Variants in DLGAP2 observed in about 807,000 individuals in gnomAD.
The protein encoded by DLGAP2 is DLG associated protein 2.
In DLGAP2, 26 loss-of-function variants were observed where a neutral mutation model predicts 100.3. That is an observed-to-expected ratio of 0.26 (90% CI 0.19 to 0.36). The LOEUF is 0.36. Ranked by LOEUF, DLGAP2 falls within the 10% of genes least tolerant of loss-of-function variation. DLGAP2 has a pLI of 1.00. For missense variants in DLGAP2, 1,858 were observed against 1,453.2 expected (o/e 1.28, Z -4.53); for synonymous variants, 886 against 630.1 (o/e 1.41, Z -6.08).
At chr8:1,078,288 C>T (rs1206769835) in intron 2 of DLGAP2, among the ~76,000 whole-genome samples, 1 of 152,186 alleles carries the variant, frequency 6.6e-6, no homozygotes, top group African/African-American at 2.4e-5. Context: ...TTCACAGAAG[C>T]ATTGAGCTGA....
intron 2 of DLGAP2, among the ~76,000 whole-genome samples, chr8:1,253,284 T>C (rs752699845): frequency 1.4e-4 from 22 of 152,112 alleles, no homozygotes; most frequent in Admixed American, 5.2e-4. Context: ...TGTGTGCCCT[T>C]TCTTCCCGGG....
intron 3 of DLGAP2, among the ~76,000 whole-genome samples, chr8:1,269,524 C>A (rs1272441954): frequency 6.6e-6 from 1 of 152,166 alleles, no homozygotes; most frequent in Non-Finnish European, 1.5e-5. Flanking sequence ...AGTAAGACCC[C>A]CTCAACCCTG....
intron 1 of DLGAP2, among the ~76,000 whole-genome samples, chr8:759,080 CACAGCCTTCCTGTTATCAATACCCCCG>C (rs1820996987): frequency 1.2e-3 from 20 of 16,128 alleles, no homozygotes; most frequent in African/African-American, 2.5e-3. Flanking sequence ...CAATACCCCC[CACAGCCTTCCTGTTATCAATACCCCCG>C]ACAGCCTTCC....
intron 4 of DLGAP2, among the ~76,000 whole-genome samples, chr8:1,547,520 A>G (rs1801582484): frequency 6.6e-6 from 1 of 151,676 alleles, no homozygotes; most frequent in Admixed American, 6.6e-5. Context: ...TGTGGGGTTG[A>G]GGGGGGCCTG....
chr8:751,237 G>A (rs556015026), intron 1 of DLGAP2, among the ~76,000 whole-genome samples: 3 of 50,362 alleles, frequency 6.0e-5, no homozygotes, highest in East Asian at 1.8e-3. Context: ...ACCCTCTCAC[G>A]GGAAGGAGCA....
At chr8:1,353,622 A>C (rs1345743907) in intron 3 of DLGAP2, among the ~76,000 whole-genome samples, 1 of 152,210 alleles carries the variant, frequency 6.6e-6, no homozygotes, top group East Asian at 1.9e-4. Context: ...CCCCATTATA[A>C]GGTGAGGGGT....
At chr8:1,297,993 TCAA>T (rs1800228918) in intron 3 of DLGAP2, among the ~76,000 whole-genome samples, 2 of 37,900 alleles carry the variant, frequency 5.3e-5, no homozygotes, top group East Asian at 5.6e-4. Context: ...GTGGCAGGCG[TCAA>T]CAGACACCAC....
intron 3 of DLGAP2, among the ~76,000 whole-genome samples, chr8:1,284,139 C>T (rs1470602563): frequency 6.6e-6 from 1 of 152,240 alleles, no homozygotes; most frequent in Non-Finnish European, 1.5e-5. Flanking sequence ...AGCATTGTGA[C>T]TGCGCGGCTG....
At chr8:807,215 G>A (rs889794631) in intron 1 of DLGAP2, among the ~76,000 whole-genome samples, 5 of 152,056 alleles carry the variant, frequency 3.3e-5, no homozygotes, top group South Asian at 2.1e-4. Flanking sequence ...AAAGGTACTC[G>A]TTCTCATTCA....
chr8:1,362,952 C>G (rs1039990744), intron 3 of DLGAP2, among the ~76,000 whole-genome samples: 2 of 152,130 alleles, frequency 1.3e-5, no homozygotes, highest in Admixed American at 1.3e-4. Context: ...GGGGCAGCAC[C>G]CTCAGGGGAT....
chr8:1,263,458 A>T (rs571851962), intron 3 of DLGAP2, among the ~76,000 whole-genome samples: 1 of 152,308 alleles, frequency 6.6e-6, no homozygotes, highest in African/African-American at 2.4e-5. Flanking sequence ...CCTATATTTT[A>T]TCACAACTAG....
At chr8:766,459 T>C (rs1219195590) in intron 1 of DLGAP2, among the ~76,000 whole-genome samples, 2 of 152,226 alleles carry the variant, frequency 1.3e-5, no homozygotes, top group South Asian at 2.1e-4. Flanking sequence ...TCCTCCGGAA[T>C]TGAACTCTGG....
intron 3 of DLGAP2, among the ~76,000 whole-genome samples, chr8:1,433,865 A>G (rs1797535195): frequency 6.6e-6 from 1 of 150,558 alleles, no homozygotes; most frequent in Non-Finnish European, 1.5e-5. Flanking sequence ...AAATTTCTCC[A>G]TGATGCACAT....
chr8:1,326,563 G>A (rs1040884561), intron 3 of DLGAP2, among the ~76,000 whole-genome samples: 3 of 151,988 alleles, frequency 2.0e-5, no homozygotes, highest in East Asian at 1.9e-4. Context: ...GCACGCACTC[G>A]GTCTCAGTCC....
At chr8:1,291,202 C>T (rs920734184) in intron 3 of DLGAP2, among the ~76,000 whole-genome samples, 1 of 152,114 alleles carries the variant, frequency 6.6e-6, no homozygotes, top group African/African-American at 2.4e-5. Context: ...GGTGTAACTG[C>T]TCCAGTTAAA....
rs983915383 is a variant in DLGAP2 at position 974,630 on chromosome 8, A to T, written c.73+66664A>T. On this transcript the variant is annotated intron_variant, in intron 2 of 14. Transcript: ENST00000637795. ...TTTCCAAAATATATAGATACTAAAC[A>T]ACATACTTCTAAATAACACATTCGT... Among the ~76,000 whole-genome samples, 17 of 152,358 alleles carry T rather than the reference A, an allele frequency of 1.1e-4. 1 individual carries two copies. The highest frequency in any genetic ancestry group is 8.5e-4 in the Admixed American group (13 of 15,308).
At chr8:1,274,396 TATAA>T (rs1799641464) in intron 3 of DLGAP2, among the ~76,000 whole-genome samples, 4 of 151,516 alleles carry the variant, frequency 2.6e-5, no homozygotes, top group Non-Finnish European at 5.9e-5. Flanking sequence ...TGTATAAGAA[TATAA>T]ACCATAAAAT....
At chr8:1,311,402 G>C (rs1800610860) in intron 3 of DLGAP2, among the ~76,000 whole-genome samples, 1 of 152,182 alleles carries the variant, frequency 6.6e-6, no homozygotes, top group Admixed American at 6.5e-5. Context: ...AATAGAAGTG[G>C]AGGAAACAAT....
intron 3 of DLGAP2, among the ~76,000 whole-genome samples, chr8:1,362,681 C>T (rs1228761891): frequency 6.6e-6 from 1 of 152,180 alleles, no homozygotes; most frequent in African/African-American, 2.4e-5. Flanking sequence ...GTGCTGAGCC[C>T]CGAAATAACC....
Sources: gnomAD v4.1 joint callset for allele counts (sites outside exome capture counted in the v4.1 genomes callset) on GRCh38, gnomAD v4.1.1 for gene constraint, MANE v1.5 for transcripts, NCBI Gene and HGNC (gene_info 2026-07-23, HGNC 2026-07-21) for gene names.